Variants in NEB observed in about 807,000 individuals in gnomAD.
The protein encoded by NEB is nemaline myopathy type 2.
A neutral mutation model predicts 952.2 loss-of-function variants in NEB; 512 were observed. That is an observed-to-expected ratio of 0.54 (90% CI 0.50 to 0.58). NEB has a LOEUF of 0.58. Ranked by LOEUF, NEB falls within the 20% of genes least tolerant of loss-of-function variation. The pLI is 0.00. For synonymous variants in NEB, 2,900 were observed against 3,149.8 expected (o/e 0.92, Z 2.66); for missense variants, 8,428 against 9,231.1 (o/e 0.91, Z 3.56).
At chr2:151,504,806 T>G (rs1052211815) in intron 165 of NEB, among the ~76,000 whole-genome samples, 10 of 152,132 alleles carry the variant, frequency 6.6e-5, no homozygotes, top group African/African-American at 2.2e-4. Flanking sequence ...AACCTGATAT[T>G]TCAGGTGTGG....
At chr2:151,571,582 A>G (rs2096629347) in intron 107 of NEB, among the ~76,000 whole-genome samples, 1 of 152,124 alleles carries the variant, frequency 6.6e-6, no homozygotes, top group Non-Finnish European at 1.5e-5. Context: ...TTAATGATCC[A>G]TATCATTTGG....
At chr2:151,652,454 G>GCTTCAAATCATCTTCCTGC (rs1294708461) in intron 52 of NEB, among the ~76,000 whole-genome samples, 2 of 152,054 alleles carry the variant, frequency 1.3e-5, no homozygotes, top group African/African-American at 4.8e-5. Context: ...TGAACTCCTG[G>GCTTCAAATCATCTTCCTGC]CTTCAAATCA....
At chr2:151,641,557 C>T (rs1218040986) in intron 60 of NEB, among the ~76,000 whole-genome samples, 1 of 152,172 alleles carries the variant, frequency 6.6e-6, no homozygotes, top group African/African-American at 2.4e-5. Flanking sequence ...TCTCAAACTC[C>T]TGCCCTTAAG....
chr2:151,568,934 T>C (rs1156353901), intron 110 of NEB, among the ~76,000 whole-genome samples: 1 of 152,228 alleles, frequency 6.6e-6, no homozygotes, highest in Non-Finnish European at 1.5e-5. Flanking sequence ...GGAAGTTTGC[T>C]TAGCTCTCAA....
chr2:151,728,049 A>G, intron 4 of NEB, 143 bp from the exon 5 acceptor site: 1 of 654,642 alleles, frequency 1.5e-6, no homozygotes, highest in East Asian at 2.7e-5. Context: ...AAAGCAGGAA[A>G]TGGCACACTG....
Position 151,611,272 on chromosome 2 carries a change from A to G in NEB, c.11806-406T>C, listed in dbSNP as rs77028362. ...AGCTGTGTGATCTTGAGAAAGGTAC[A>G]TAACTCCTCACATTCCTCATTTCTG... On this transcript the variant is annotated intron_variant, in intron 78 of 181. Coordinates refer to ENST00000397345, the MANE Select transcript of NEB (RefSeq NM_001164508.2). 3.0e-4 allele frequency among the ~76,000 whole-genome samples: 46 copies of G among 152,314 alleles called. No homozygotes were observed. The East Asian group carries it at 8.3e-3, about 27-fold the overall frequency.
chr2:151,537,248 A>G lies in NEB; in HGVS notation c.21103-12T>C. On this transcript the variant is annotated splice_polypyrimidine_tract_variant and intron_variant, in intron 140 of 181. Transcript: ENST00000397345. ...TCTTTATATTTTACCTGGGAGAAGA[A>G]GAACATCAAAGAGTTCTAAGAAGCC... 2 of 1,529,956 alleles carry G rather than the reference A, an allele frequency of 1.3e-6. No homozygotes were observed. The highest frequency in any genetic ancestry group is 1.8e-6 in the Non-Finnish European group (2 of 1,105,168). 94.8% of individuals were successfully genotyped at this position (1,529,956 alleles called of 1,614,324 possible).
chr2:151,723,597 G>A (rs776871107), intron 8 of NEB, 111 bp from the exon 9 acceptor site: 14 of 695,194 alleles, frequency 2.0e-5, no homozygotes, highest in Non-Finnish European at 2.9e-5. Flanking sequence ...CCAGGTGAGA[G>A]CAAAGGTAAA....
intron 119 of NEB, 80 bp downstream of exon 119, chr2:151,563,525 CA>C (rs2096216469): frequency 1.6e-6 from 2 of 1,269,258 alleles, no homozygotes; most frequent in Admixed American, 1.7e-5. Flanking sequence ...TAACCTGAAC[CA>C]AAGGGCAAGT....
chr2:151,730,033 G>C (rs2099802062), intron 3 of NEB, among the ~76,000 whole-genome samples: 2 of 152,186 alleles, frequency 1.3e-5, no homozygotes, highest in Admixed American at 1.3e-4. Context: ...GTTGGGCAGA[G>C]AGGAACTGTG....
chr2:151,610,805 G>A lies in NEB; in HGVS notation c.11867C>T (p.Pro3956Leu). 1.2e-6 allele frequency: 2 copies of A among 1,608,174 alleles called. No individual in the cohort carries two copies. Among genetic ancestry groups the A allele is most frequent in the Non-Finnish European group, 1.7e-6 (2 of 1,176,982 alleles). Residue 3956 changes from proline to leucine, a missense_variant, in exon 79 of 182, where the codon CCA (proline) becomes CTA (leucine). Physicochemically the swap from Pro to Leu is moderately conservative, Grantham distance 98 (BLOSUM62 -3). Transcript: ENST00000397345. ...KTSIHVMPDT[P>L]DILLAKSNSA... Reference sequence around the variant, plus strand: ...ATTACTCTTGGCCAGCAGGATATCTGGGGTGTCTGGCATCACGTGGATGGA... The same window carrying A: ...ATTACTCTTGGCCAGCAGGATATCTAGGGTGTCTGGCATCACGTGGATGGA...
Position 151,650,751 on chromosome 2 carries a change from A to G in NEB, c.7050T>C (p.Phe2350=). The change falls in exon 53 of 182, where the codon TTT becomes TTC. Residue 2350 remains phenylalanine, a synonymous_variant. Coordinates refer to ENST00000397345, the MANE Select transcript of NEB (RefSeq NM_001164508.2). The stretch of plus-strand genomic sequence containing the variant: ...TGGAGAACTTAGTTTTCCACTTCTC[A>G]AAGTCCTTCTTGTATTCTCTTTCAC... The part of the protein sequence containing the change: ...MQSEREYKKD[F]EKWKTKFSSP... The G allele has an allele frequency of 1.9e-6, 3 of 1,613,888 alleles. No individual in the cohort carries two copies. Among genetic ancestry groups the G allele is most frequent in the Non-Finnish European group, 2.5e-6 (3 of 1,179,840 alleles).
At chr2:151,730,768 A>G (rs2099805882) in intron 3 of NEB, among the ~76,000 whole-genome samples, 1 of 152,196 alleles carries the variant, frequency 6.6e-6, no homozygotes, top group Admixed American at 6.6e-5. Flanking sequence ...AAGTGTCATC[A>G]AATTACTTAA....
chr2:151,578,999 T>C (rs1349853403), intron 105 of NEB, among the ~76,000 whole-genome samples: 1 of 146,822 alleles, frequency 6.8e-6, no homozygotes, highest in Non-Finnish European at 1.5e-5. Context: ...GAACATCGCT[T>C]GAACCTGGGA....
chr2:151,555,790 GA>G (rs1339208890), intron 124 of NEB, among the ~76,000 whole-genome samples: 2 of 150,828 alleles, frequency 1.3e-5, no homozygotes, highest in African/African-American at 4.9e-5. Context: ...ATTTCCACTA[GA>G]TTTTTCCAAA....
At chr2:151,530,880 CACT>C in intron 145 of NEB, 111 bp downstream of exon 145, 1 of 657,420 alleles carries the variant, frequency 1.5e-6, no homozygotes, top group Non-Finnish European at 2.7e-6. Flanking sequence ...TATTTTAAGC[CACT>C]AAGTTTTAGG....
In NEB at chr2:151,643,273, T is replaced by C; in HGVS notation, c.8037A>G (p.Lys2679=). Residue 2679 remains lysine (K), a synonymous_variant, in exon 58 of 182, where the codon AAA becomes AAG. Coordinates refer to ENST00000397345, the MANE Select transcript of NEB (RefSeq NM_001164508.2). ...GGTCACTCAAAATCTGGGTGGCTCG[T>C]TTATTTTTCTCATCCTCGAGAGAAC... The part of the protein sequence containing the change: ...TSGSLEDEKN[K]RATQILSDHV... 1 of 1,613,884 alleles carries C rather than the reference T, an allele frequency of 6.2e-7. No homozygotes were observed. Among genetic ancestry groups the C allele is most frequent in the Non-Finnish European group, 8.5e-7 (1 of 1,179,826 alleles).
At position 151,656,455 on chromosome 2, in the gene NEB, T is replaced by C. The variant is rs1287499816; in HGVS notation, c.6193A>G (p.Lys2065Glu). Reference sequence around the variant, plus strand: ...CCCTTCCCTTTTTCATAATTGTACTTGTATTTATACTGTGAAGAAAATATG... The same window carrying C: ...CCCTTCCCTTTTTCATAATTGTACTCGTATTTATACTGTGAAGAAAATATG... ...SRDIASDYKYKYNYEKGKGKM... is the reference protein window; with the variant it reads ...SRDIASDYKYEYNYEKGKGKM... The change falls in exon 49 of 182, where the codon AAG becomes GAG. Residue 2065 changes from lysine (K) to glutamate (E), a missense_variant. Lys to Glu is a moderately conservative substitution (Grantham distance 56). Coordinates refer to ENST00000397345, the MANE Select transcript of NEB (RefSeq NM_001164508.2). The C allele has an allele frequency of 1.9e-6, 3 of 1,610,246 alleles. No homozygotes were observed. In the African/African-American group the frequency reaches 4.0e-5, roughly 22 times the overall value.
intron 76 of NEB, 128 bp downstream of exon 76, chr2:151,615,874 T>G: frequency 1.4e-6 from 1 of 710,558 alleles, no homozygotes; most frequent in Non-Finnish European, 2.4e-6. Context: ...CAATTTTGTA[T>G]AGGGGAAAAT....
Sources: gnomAD v4.1 joint callset for allele counts (sites outside exome capture counted in the v4.1 genomes callset) on GRCh38, gnomAD v4.1.1 for gene constraint, MANE v1.5 for transcripts, NCBI Gene and HGNC (gene_info 2026-07-23, HGNC 2026-07-21) for gene names.